TRPM3: variants seen among roughly 807,000 people sequenced by gnomAD.
TRPM3 encodes the protein long transient receptor potential channel 3.
A neutral mutation model predicts 181.2 loss-of-function variants in TRPM3; 77 were observed. That is an observed-to-expected ratio of 0.42 (90% CI 0.35 to 0.51). The LOEUF (loss-of-function observed/expected upper bound fraction) is 0.51. TRPM3 is among the 20% of genes least tolerant of loss of function. TRPM3 has a pLI of 0.01. For missense variants in TRPM3, 1,759 were observed against 2,196.7 expected, an observed-to-expected ratio of 0.80 and a Z score of 3.98; for synonymous variants, 745 against 796.4, an observed-to-expected ratio of 0.94 and a Z score of 1.09.
At chr9:71,315,247 G>T (rs1343009822) in intron 1 of TRPM3, among the ~76,000 whole-genome samples, 1 of 152,096 alleles carries the variant, frequency 6.6e-6, no homozygotes, top group Non-Finnish European at 1.5e-5. Flanking sequence ...ACTCTACAGG[G>T]GGTGGGGTAA....
At chr9:71,344,070 G>A (rs2091140335) in intron 1 of TRPM3, among the ~76,000 whole-genome samples, 1 of 149,188 alleles carries the variant, frequency 6.7e-6, no homozygotes, top group South Asian at 2.1e-4. Context: ...ATAAACTGAA[G>A]AGGAGGGAAT....
chr9:71,138,543 CT>C (rs200656276), intron 1 of TRPM3, among the ~76,000 whole-genome samples: 1 of 150,050 alleles, frequency 6.7e-6, no homozygotes, highest in Non-Finnish European at 1.5e-5. Flanking sequence ...TCTCCTTTTT[CT>C]TTTTTTTTCA....
At chr9:71,361,246 C>T (rs944589357) in intron 1 of TRPM3, among the ~76,000 whole-genome samples, 3 of 152,206 alleles carry the variant, frequency 2.0e-5, no homozygotes, top group African/African-American at 7.2e-5. Flanking sequence ...CTCAGCCTCC[C>T]AGTCTTCACT....
chr9:71,407,161 G>A (rs550378521), intron 1 of TRPM3, among the ~76,000 whole-genome samples: 18 of 152,272 alleles, frequency 1.2e-4, no homozygotes, highest in South Asian at 4.1e-4. Flanking sequence ...CAGCATGAGC[G>A]ACACAGAAGA....
intron 6 of TRPM3, among the ~76,000 whole-genome samples, chr9:70,808,332 A>G (rs1429121460): frequency 1.3e-5 from 2 of 152,238 alleles, no homozygotes; most frequent in African/African-American, 2.4e-5. Flanking sequence ...AATGGTGGAC[A>G]GCTCTCCTGT....
chr9:71,244,871 G>T (rs2081945435), intron 1 of TRPM3, among the ~76,000 whole-genome samples: 1 of 152,184 alleles, frequency 6.6e-6, no homozygotes. Context: ...TAGTTTAGTA[G>T]TACAGAGAAT....
chr9:71,198,669 T>C (rs2078562611), intron 1 of TRPM3, among the ~76,000 whole-genome samples: 1 of 151,616 alleles, frequency 6.6e-6, no homozygotes, highest in Non-Finnish European at 1.5e-5. Flanking sequence ...TTTGGCTCTC[T>C]GTTTGTCTGT....
chr9:71,039,388 G>A (rs773213777), intron 1 of TRPM3, among the ~76,000 whole-genome samples: 4 of 152,106 alleles, frequency 2.6e-5, no homozygotes, highest in African/African-American at 9.7e-5. Flanking sequence ...CAGGTTAAAA[G>A]GTCTATGACA....
chr9:70,552,178 G>A (rs762986159), intron 24 of TRPM3, among the ~76,000 whole-genome samples: 7 of 152,182 alleles, frequency 4.6e-5, no homozygotes, highest in African/African-American at 1.7e-4. Flanking sequence ...GGTACCCAAA[G>A]GGTATTTAGG....
At chr9:70,976,859 T>C (rs1398953912) in intron 1 of TRPM3, among the ~76,000 whole-genome samples, 1 of 152,000 alleles carries the variant, frequency 6.6e-6, no homozygotes, top group Admixed American at 6.5e-5. Context: ...ATTAATGGAG[T>C]CCTTGCCTGA....
chr9:70,953,550 T>C (rs537294316), intron 1 of TRPM3, among the ~76,000 whole-genome samples: 1 of 152,310 alleles, frequency 6.6e-6, no homozygotes, highest in South Asian at 2.1e-4. Context: ...CTTGATTATA[T>C]GTTAAAATTT....
intron 6 of TRPM3, among the ~76,000 whole-genome samples, chr9:70,801,829 G>A (rs1459664103): frequency 4.6e-5 from 7 of 152,102 alleles, no homozygotes; most frequent in Admixed American, 4.6e-4. Context: ...TAAGAAAGTG[G>A]CACTTTAAGG....
chr9:70,561,049 A>C (rs978819096), intron 22 of TRPM3, among the ~76,000 whole-genome samples: 5 of 152,376 alleles, frequency 3.3e-5, no homozygotes, highest in Middle Eastern at 3.4e-3. Flanking sequence ...TATTTCTTGA[A>C]GAATGCCCCT....
At chr9:71,140,633 A>G (rs1483196522) in intron 1 of TRPM3, among the ~76,000 whole-genome samples, 1 of 152,162 alleles carries the variant, frequency 6.6e-6, no homozygotes, top group African/African-American at 2.4e-5. Context: ...CTAAATCAAC[A>G]TGTTTCTTCA....
At chr9:70,822,627 G>A (rs1360811688) in intron 6 of TRPM3, among the ~76,000 whole-genome samples, 1 of 152,094 alleles carries the variant, frequency 6.6e-6, no homozygotes, top group Non-Finnish European at 1.5e-5. Flanking sequence ...GAGATGAATG[G>A]TGGTGATCAT....
intron 1 of TRPM3, among the ~76,000 whole-genome samples, chr9:71,361,046 G>A (rs778805572): frequency 3.3e-5 from 5 of 152,116 alleles, no homozygotes; most frequent in African/African-American, 7.2e-5. Context: ...GAGTGCAGTG[G>A]CACAACCTCA....
At chr9:71,164,886 T>C (rs2076460795) in intron 1 of TRPM3, among the ~76,000 whole-genome samples, 1 of 152,226 alleles carries the variant, frequency 6.6e-6, no homozygotes, top group Non-Finnish European at 1.5e-5. Context: ...ATAAGTAATC[T>C]TTTTGATTCC....
At chr9:70,795,023 G>A (rs578016035) in intron 6 of TRPM3, among the ~76,000 whole-genome samples, 2 of 152,200 alleles carry the variant, frequency 1.3e-5, no homozygotes, top group Non-Finnish European at 2.9e-5. Context: ...AAAGCGTAAC[G>A]ACTATTGATG....
At chr9:71,223,898 G>A (rs1489175113) in intron 1 of TRPM3, among the ~76,000 whole-genome samples, 2 of 152,184 alleles carry the variant, frequency 1.3e-5, no homozygotes, top group African/African-American at 4.8e-5. Context: ...GATTTCTAAG[G>A]TTTCTGACTC....
Sources: gnomAD v4.1 joint callset for allele counts (sites outside exome capture counted in the v4.1 genomes callset) on GRCh38, gnomAD v4.1.1 for gene constraint, MANE v1.5 for transcripts, NCBI Gene and HGNC (gene_info 2026-07-23, HGNC 2026-07-21) for gene names.